TRPS1: variants seen among roughly 807,000 people sequenced by gnomAD.
TRPS1 encodes the protein transcriptional repressor GATA binding 1.
A neutral mutation model predicts 101.2 loss-of-function variants in TRPS1; 6 were observed. The ratio of observed to expected loss-of-function variants is 0.06; its 90% CI spans 0.03 to 0.12. The LOEUF (loss-of-function observed/expected upper bound fraction) is 0.12. TRPS1 is among the 10% of genes least tolerant of loss of function. The pLI, the probability that TRPS1 is intolerant of heterozygous loss-of-function variation, is 1.00. For synonymous variants in TRPS1, 578 were observed against 589.8 expected (o/e 0.98, Z 0.29); for missense variants, 1,363 against 1,567.0 (o/e 0.87, Z 2.20).
intron 5 of TRPS1, among the ~76,000 whole-genome samples, chr8:115,485,050 G>A (rs1422215578): frequency 3.3e-5 from 5 of 152,192 alleles, no homozygotes; most frequent in Non-Finnish European, 7.3e-5. Context: ...TTTGACAGAT[G>A]AAATTTAGGT....
chr8:115,620,177 T>C, intron 2 of TRPS1, 117 bp from the exon 3 acceptor site: 1 of 916,238 alleles, frequency 1.1e-6, no homozygotes, highest in Non-Finnish European at 1.5e-6. Context: ...AAATGCTTCC[T>C]CTAGGAAAAA....
At chr8:115,572,871 G>A (rs1329924727) in intron 5 of TRPS1, among the ~76,000 whole-genome samples, 4 of 152,162 alleles carry the variant, frequency 2.6e-5, no homozygotes, top group African/African-American at 4.8e-5. Context: ...CGTGGCTCAC[G>A]CCTGTAATCC....
chr8:115,461,088 C>A (rs1814156504), intron 5 of TRPS1, among the ~76,000 whole-genome samples: 1 of 152,044 alleles, frequency 6.6e-6, no homozygotes, highest in African/African-American at 2.4e-5. Flanking sequence ...GCAGAATCAC[C>A]TCTGCATGTC....
intron 5 of TRPS1, among the ~76,000 whole-genome samples, chr8:115,572,214 T>G (rs1203479214): frequency 6.6e-6 from 1 of 152,124 alleles, no homozygotes; most frequent in Non-Finnish European, 1.5e-5. Flanking sequence ...AATGTCAAAA[T>G]AGTAACTTTC....
chr8:115,453,008 G>A (rs980421860), intron 5 of TRPS1, among the ~76,000 whole-genome samples: 1 of 151,862 alleles, frequency 6.6e-6, no homozygotes, highest in Non-Finnish European at 1.5e-5. Flanking sequence ...AAATAATTTT[G>A]CTTGTCCTCC....
intron 5 of TRPS1, among the ~76,000 whole-genome samples, chr8:115,491,403 T>A (rs1157948974): frequency 9.9e-5 from 15 of 152,108 alleles, no homozygotes; most frequent in Admixed American, 9.8e-4. Flanking sequence ...CATCCTGAAG[T>A]GTAATTGGCT....
intron 5 of TRPS1, among the ~76,000 whole-genome samples, chr8:115,488,462 G>A (rs1488786032): frequency 6.6e-6 from 1 of 152,236 alleles, no homozygotes; most frequent in Non-Finnish European, 1.5e-5. Flanking sequence ...AGGCCAAAGC[G>A]GGTGGATCAT....
At chr8:115,478,437 T>C (rs550690843) in intron 5 of TRPS1, among the ~76,000 whole-genome samples, 10 of 152,292 alleles carry the variant, frequency 6.6e-5, no homozygotes, top group Admixed American at 1.3e-4. Flanking sequence ...GATTTCCCCA[T>C]GCTTGCTTGT....
chr8:115,543,937 C>A (rs868220276), intron 5 of TRPS1, among the ~76,000 whole-genome samples: 3 of 151,918 alleles, frequency 2.0e-5, no homozygotes, highest in Admixed American at 6.6e-5. Context: ...AATAATAAAA[C>A]ATAAAAATGC....
At chr8:115,467,879 G>C (rs1814364404) in intron 5 of TRPS1, among the ~76,000 whole-genome samples, 1 of 152,118 alleles carries the variant, frequency 6.6e-6, no homozygotes, top group South Asian at 2.1e-4. Flanking sequence ...TCCTATGACT[G>C]CAAGAAAATC....
chr8:115,535,117 C>T lies in TRPS1; in HGVS notation c.2700+51884G>A, dbSNP rs548957922. On this transcript the variant is annotated intron_variant, in intron 5 of 6. Coordinates refer to ENST00000395715, the MANE Select transcript of TRPS1 (RefSeq NM_014112.5). Reference sequence around the variant, plus strand: ...TCGCATATGTATAGCATATATATCGCATATGTATAGCATATATATAGCATA... The same window carrying T: ...TCGCATATGTATAGCATATATATCGTATATGTATAGCATATATATAGCATA... Among the ~76,000 whole-genome samples the T allele has an allele frequency of 1.8e-4, 14 of 79,730 alleles. No homozygotes were observed. In the South Asian group the frequency reaches 4.8e-3, roughly 27 times the overall value. 52.3% of individuals were successfully genotyped at this position (79,730 alleles called of 152,430 possible).
At chr8:115,667,540 C>T (rs569029376) in intron 1 of TRPS1, among the ~76,000 whole-genome samples, 28 of 152,300 alleles carry the variant, frequency 1.8e-4, no homozygotes, top group African/African-American at 6.7e-4. Flanking sequence ...CTGACCCGCG[C>T]GACACATGGC....
At chr8:115,467,990 C>G (rs1367024669) in intron 5 of TRPS1, among the ~76,000 whole-genome samples, 1 of 152,140 alleles carries the variant, frequency 6.6e-6, no homozygotes, top group Non-Finnish European at 1.5e-5. Context: ...CCTTTGTTTT[C>G]TAGATTTTTC....
At chr8:115,458,393 ATAAT>A (rs1360144464) in intron 5 of TRPS1, among the ~76,000 whole-genome samples, 5 of 152,210 alleles carry the variant, frequency 3.3e-5, no homozygotes, top group Non-Finnish European at 7.3e-5. Context: ...ACTGAATCAT[ATAAT>A]TAATAACAAT....
intron 1 of TRPS1, among the ~76,000 whole-genome samples, chr8:115,663,543 AAC>A (rs1222339067): frequency 6.6e-6 from 1 of 151,894 alleles, no homozygotes; most frequent in Non-Finnish European, 1.5e-5. Context: ...TTTTTAGTGA[AAC>A]ACACTTAAGA....
chr8:115,553,083 T>C (rs1214481094), intron 5 of TRPS1, among the ~76,000 whole-genome samples: 2 of 152,104 alleles, frequency 1.3e-5, no homozygotes, highest in Non-Finnish European at 2.9e-5. Flanking sequence ...AAAGCGTGTG[T>C]CCTAATGATA....
chr8:115,435,527 AT>A (rs1813426347), intron 5 of TRPS1, among the ~76,000 whole-genome samples: 1 of 152,152 alleles, frequency 6.6e-6, no homozygotes, highest in South Asian at 2.1e-4. Context: ...GGCTGGCAGG[AT>A]CCATAGGGGA....
intron 5 of TRPS1, among the ~76,000 whole-genome samples, chr8:115,576,657 A>G (rs756598988): frequency 3.9e-5 from 6 of 152,136 alleles, no homozygotes; most frequent in Non-Finnish European, 7.3e-5. Flanking sequence ...AAAAAATAAC[A>G]TCTAATTTTA....
Position 115,524,781 on chromosome 8 carries a change from G to A in TRPS1, c.2700+62220C>T, listed in dbSNP as rs1815954474. 3.3e-5 allele frequency among the ~76,000 whole-genome samples: 5 copies of A among 152,154 alleles called. No homozygotes were observed. In the South Asian group the frequency reaches 1.0e-3, roughly 32 times the overall value. On this transcript the variant is annotated intron_variant, in intron 5 of 6. Transcript: ENST00000395715. ...GAGCTTCTTTGAAAAAAAATCTAAT[G>A]ATGTATGAATGCAATTAAATTAACT...
Sources: allele counts gnomAD v4.1 joint callset (sites outside exome capture counted in the v4.1 genomes callset), GRCh38; gene constraint gnomAD v4.1.1; transcripts MANE v1.5; gene names NCBI Gene and HGNC (gene_info 2026-07-23, HGNC 2026-07-21).